NRG3: variants seen among roughly 807,000 people sequenced by gnomAD.
The protein encoded by NRG3 is pro-neuregulin-3, membrane-bound isoform.
A neutral mutation model predicts 66.9 loss-of-function variants in NRG3; 31 were observed. That is an observed-to-expected ratio of 0.46 (90% CI 0.35 to 0.63). The LOEUF (loss-of-function observed/expected upper bound fraction) is 0.63, where lower values mean the gene tolerates loss of function less well. Among genes scored for constraint, NRG3 ranks in the 20% least tolerant of loss-of-function variants. The probability of loss-of-function intolerance (pLI) is 0.00; values close to 1 mark genes in which losing one functional copy is unlikely to be tolerated. For synonymous variants in NRG3, 393 were observed against 359.4 expected (o/e 1.09, Z -1.06); for missense variants, 910 against 878.9 (o/e 1.04, Z -0.45).
At chr10:82,284,481 G>C (rs765338936) in intron 1 of NRG3, among the ~76,000 whole-genome samples, 2 of 152,160 alleles carry the variant, frequency 1.3e-5, no homozygotes, top group Admixed American at 6.5e-5. Context: ...GCAGGGTGAG[G>C]AGTTTATTAA....
At position 82,089,991 on chromosome 10, in the gene NRG3, G is replaced by T. The variant is rs2133500390; in HGVS notation, c.823+213828G>T. 1.3e-5 allele frequency among the ~76,000 whole-genome samples: 2 copies of T among 152,268 alleles called. 1 individual carries two copies. The highest frequency in any genetic ancestry group is 1.3e-4 in the Admixed American group (2 of 15,288). On this transcript the variant is annotated intron_variant, in intron 1 of 8. Coordinates refer to ENST00000372141, the MANE Select transcript of NRG3 (RefSeq NM_001010848.4). ...TTGCCCTCTTCCATGGCATGGTGGG[G>T]TTGAAATTGACAGAGTCACATTTCC...
At chr10:82,245,233 A>G (rs1007482391) in intron 1 of NRG3, among the ~76,000 whole-genome samples, 3 of 152,076 alleles carry the variant, frequency 2.0e-5, no homozygotes, top group African/African-American at 7.2e-5. Flanking sequence ...CATAACCTAG[A>G]TCCCTCGCAT....
chr10:82,508,524 C>G (rs1193272437), intron 2 of NRG3, among the ~76,000 whole-genome samples: 1 of 152,078 alleles, frequency 6.6e-6, no homozygotes, highest in Non-Finnish European at 1.5e-5. Context: ...TAACTACAAA[C>G]CATTGAAAGC....
At chr10:82,354,283 C>T (rs1297406807) in intron 1 of NRG3, among the ~76,000 whole-genome samples, 2 of 152,002 alleles carry the variant, frequency 1.3e-5, no homozygotes, top group African/African-American at 4.8e-5. Flanking sequence ...TCAAGTGATC[C>T]TCCCACCTTG....
chr10:82,546,317 C>T (rs1403815973), intron 2 of NRG3, among the ~76,000 whole-genome samples: 1 of 152,006 alleles, frequency 6.6e-6, no homozygotes, highest in South Asian at 2.1e-4. Context: ...TTAATAATTG[C>T]AATGTTAGGG....
At chr10:82,604,554 G>T (rs747182604) in intron 2 of NRG3, among the ~76,000 whole-genome samples, 3 of 152,088 alleles carry the variant, frequency 2.0e-5, no homozygotes, top group Non-Finnish European at 4.4e-5. Context: ...TTACCAACGA[G>T]TGCAATGTTT....
intron 1 of NRG3, among the ~76,000 whole-genome samples, chr10:82,124,071 C>T (rs2068269789): frequency 6.6e-6 from 1 of 152,052 alleles, no homozygotes; most frequent in African/African-American, 2.4e-5. Context: ...TATCTATCTA[C>T]TTCATCACAG....
chr10:82,237,474 G>A (rs2076810923), intron 1 of NRG3, among the ~76,000 whole-genome samples: 1 of 151,844 alleles, frequency 6.6e-6, no homozygotes, highest in African/African-American at 2.4e-5. Flanking sequence ...ACTTATTTTT[G>A]TTTGACATTC....
intron 1 of NRG3, among the ~76,000 whole-genome samples, chr10:81,969,252 G>GA (rs2059839928): frequency 6.6e-6 from 1 of 152,116 alleles, no homozygotes; most frequent in Admixed American, 6.6e-5. Flanking sequence ...TTGGAGGCCT[G>GA]AAACATAGAA....
chr10:82,322,890 G>A (rs772888589), intron 1 of NRG3, among the ~76,000 whole-genome samples: 1 of 152,120 alleles, frequency 6.6e-6, no homozygotes, highest in African/African-American at 2.4e-5. Context: ...GAACAGAATT[G>A]TAGAAATCAA....
At chr10:82,864,226 A>G (rs1564579766) in intron 3 of NRG3, among the ~76,000 whole-genome samples, 1 of 152,080 alleles carries the variant, frequency 6.6e-6, no homozygotes, top group African/African-American at 2.4e-5. Context: ...AATGGCAAAA[A>G]CCACAATTAC....
intron 2 of NRG3, among the ~76,000 whole-genome samples, chr10:82,720,405 A>G (rs1363676693): frequency 2.0e-5 from 3 of 152,086 alleles, no homozygotes; most frequent in East Asian, 1.9e-4. Flanking sequence ...TAACAAATTA[A>G]TAATAAAATG....
chr10:82,451,634 T>C (rs778746366), intron 2 of NRG3, among the ~76,000 whole-genome samples: 17 of 152,086 alleles, frequency 1.1e-4, no homozygotes, highest in Non-Finnish European at 2.1e-4. Flanking sequence ...GTAAATAAAA[T>C]CAATAACAGC....
At chr10:82,949,519 C>G (rs758283550) in intron 4 of NRG3, among the ~76,000 whole-genome samples, 1 of 151,926 alleles carries the variant, frequency 6.6e-6, no homozygotes, top group Non-Finnish European at 1.5e-5. Flanking sequence ...GAATAATGTT[C>G]TAATTTTAGT....
intron 1 of NRG3, among the ~76,000 whole-genome samples, chr10:81,978,793 T>C (rs1010223466): frequency 3.3e-5 from 5 of 152,094 alleles, no homozygotes; most frequent in African/African-American, 1.2e-4. Flanking sequence ...TGGCCTCAAG[T>C]GATCCTCTTG....
chr10:82,538,779 C>T (rs765513902), intron 2 of NRG3, among the ~76,000 whole-genome samples: 5 of 152,198 alleles, frequency 3.3e-5, no homozygotes, highest in East Asian at 3.9e-4. Flanking sequence ...CTATTACCTT[C>T]GAGGCCAAAA....
intron 2 of NRG3, among the ~76,000 whole-genome samples, chr10:82,392,892 A>ATT (rs549023275): frequency 0.06 from 7,273 of 122,094 alleles, 375 homozygotes; most frequent in African/African-American, 0.2. Context: ...ATATATATAT[A>ATT]TATATATTTT....
At chr10:82,512,988 G>C (rs529679222) in intron 2 of NRG3, among the ~76,000 whole-genome samples, 1 of 152,040 alleles carries the variant, frequency 6.6e-6, no homozygotes, top group Non-Finnish European at 1.5e-5. Flanking sequence ...TACATGTGCA[G>C]GACGTGCAGG....
chr10:81,954,121 A>G (rs1418026746), intron 1 of NRG3, among the ~76,000 whole-genome samples: 1 of 152,194 alleles, frequency 6.6e-6, no homozygotes, highest in East Asian at 1.9e-4. Context: ...TTTTAAAAAT[A>G]AAGCATGGAA....
Sources: gnomAD v4.1 joint callset for allele counts (sites outside exome capture counted in the v4.1 genomes callset) on GRCh38, gnomAD v4.1.1 for gene constraint, MANE v1.5 for transcripts, NCBI Gene and HGNC (gene_info 2026-07-23, HGNC 2026-07-21) for gene names.